Variants in BMPR1B observed in about 807,000 individuals in gnomAD.
BMPR1B encodes bone morphogenetic protein receptor type 1B.
BMPR1B carries 12 observed loss-of-function variants against 59.1 expected under a neutral mutation model. That is an observed-to-expected ratio of 0.20 (90% CI 0.13 to 0.33). The LOEUF (loss-of-function observed/expected upper bound fraction) is 0.33. Among genes scored for constraint, BMPR1B ranks in the 10% least tolerant of loss-of-function variants. The pLI, the probability that BMPR1B is intolerant of heterozygous loss-of-function variation, is 1.00. For missense variants in BMPR1B, 550 were observed against 610.9 expected (o/e 0.90, Z 1.05); for synonymous variants, 237 against 207.3 (o/e 1.14, Z -1.23).
At chr4:94,814,141 T>C (rs1485453528) in intron 1 of BMPR1B, among the ~76,000 whole-genome samples, 1 of 152,236 alleles carries the variant, frequency 6.6e-6, no homozygotes, top group African/African-American at 2.4e-5. Context: ...CAGGATTAAA[T>C]ACTTAAAAAG....
chr4:94,898,045 C>G (rs1031893902), intron 2 of BMPR1B, among the ~76,000 whole-genome samples: 1 of 148,076 alleles, frequency 6.8e-6, no homozygotes, highest in Non-Finnish European at 1.5e-5. Flanking sequence ...CTCCTAGGCT[C>G]AAGGGACCCT....
At chr4:95,096,555 G>T (rs554894776) in intron 3 of BMPR1B, among the ~76,000 whole-genome samples, 1 of 150,660 alleles carries the variant, frequency 6.6e-6, no homozygotes, top group Non-Finnish European at 1.5e-5. Context: ...CAAACATCCT[G>T]TGAAAATAAT....
At chr4:94,960,379 A>G (rs1276122809) in intron 2 of BMPR1B, among the ~76,000 whole-genome samples, 4 of 152,128 alleles carry the variant, frequency 2.6e-5, no homozygotes, top group Admixed American at 6.5e-5. Flanking sequence ...CTTTATATCA[A>G]TGAGCCATTT....
At chr4:95,043,621 G>T (rs571890233) in intron 3 of BMPR1B, among the ~76,000 whole-genome samples, 1 of 152,142 alleles carries the variant, frequency 6.6e-6, no homozygotes, top group Admixed American at 6.6e-5. Context: ...GTAGATTTAA[G>T]GTATCATTCT....
chr4:95,098,649 C>T (rs1328652050), intron 3 of BMPR1B, among the ~76,000 whole-genome samples: 2 of 151,798 alleles, frequency 1.3e-5, no homozygotes, highest in Non-Finnish European at 2.9e-5. Context: ...GTGAGTCTCC[C>T]CAGGTTCATT....
At chr4:94,937,707 A>AACACACACACACACAC (rs67140382) in intron 2 of BMPR1B, among the ~76,000 whole-genome samples, 1 of 151,084 alleles carries the variant, frequency 6.6e-6, no homozygotes, top group East Asian at 1.9e-4. Flanking sequence ...TATATGTATA[A>AACACACACACACACAC]ACACACACAC....
chr4:94,835,194 C>A (rs915480379), intron 1 of BMPR1B, among the ~76,000 whole-genome samples: 1 of 151,822 alleles, frequency 6.6e-6, no homozygotes, highest in African/African-American at 2.4e-5. Context: ...TTAATATTTA[C>A]TGATTTATTT....
At chr4:94,876,090 A>G (rs551682952) in intron 2 of BMPR1B, among the ~76,000 whole-genome samples, 190 bp downstream of exon 2, 165 of 152,360 alleles carry the variant, frequency 1.1e-3, no homozygotes, top group African/African-American at 3.5e-3. Flanking sequence ...ATGTAAATCA[A>G]CATGACAAGG....
intron 3 of BMPR1B, among the ~76,000 whole-genome samples, chr4:95,052,297 T>C (rs1726563531): frequency 6.6e-6 from 1 of 152,206 alleles, no homozygotes. Context: ...TGCTTTGTGA[T>C]AATTTTGTTC....
chr4:95,131,187 T>C, intron 9 of BMPR1B, 28 bp from the exon 10 acceptor site: 1 of 1,602,788 alleles, frequency 6.2e-7, no homozygotes, highest in Non-Finnish European at 8.5e-7. Flanking sequence ...TGGAAAACAC[T>C]AAACCTTTTC....
intron 3 of BMPR1B, among the ~76,000 whole-genome samples, chr4:95,089,669 A>G (rs1466268237): frequency 6.6e-6 from 1 of 152,100 alleles, no homozygotes; most frequent in Non-Finnish European, 1.5e-5. Flanking sequence ...TGCCATGCCC[A>G]GATTGAAGAT....
chr4:94,762,965 C>T (rs1330292172), intron 1 of BMPR1B, among the ~76,000 whole-genome samples: 1 of 151,834 alleles, frequency 6.6e-6, no homozygotes, highest in Non-Finnish European at 1.5e-5. Context: ...GACCTCAGCA[C>T]CTTCTTAGAG....
At chr4:94,825,000 T>C (rs980315367) in intron 1 of BMPR1B, among the ~76,000 whole-genome samples, 30 of 152,202 alleles carry the variant, frequency 2.0e-4, no homozygotes, top group African/African-American at 7.0e-4. Context: ...ACAAGCTTAC[T>C]TGAAAAAGAA....
intron 1 of BMPR1B, among the ~76,000 whole-genome samples, chr4:94,769,481 A>T (rs562719927): frequency 2.6e-5 from 4 of 152,194 alleles, no homozygotes; most frequent in African/African-American, 7.2e-5. Flanking sequence ...GTGGTGGCAC[A>T]TGCCTGTAAT....
At chr4:94,791,956 C>G (rs898534501) in intron 1 of BMPR1B, among the ~76,000 whole-genome samples, 4 of 151,954 alleles carry the variant, frequency 2.6e-5, no homozygotes, top group African/African-American at 9.7e-5. Context: ...TTCCTTTGAT[C>G]AGTGGCCTAA....
chr4:95,069,697 C>A lies in BMPR1B; in HGVS notation c.-17-34711C>A, dbSNP rs114668389. Among the ~76,000 whole-genome samples, 454 of 152,272 alleles carry A rather than the reference C, an allele frequency of 3.0e-3. 3 individuals are homozygous for A. The highest frequency in any genetic ancestry group is 0.01 in the African/African-American group (433 of 41,556). On this transcript the variant is annotated intron_variant, in intron 3 of 12. Coordinates refer to ENST00000515059, the MANE Select transcript of BMPR1B (RefSeq NM_001203.3). ...ACTGTGAGCTGTGAGGGCATGGAAT[C>A]GTGTCTGTTTCTTTCTACTGCTATG...
At chr4:94,899,577 G>A (rs903042150) in intron 2 of BMPR1B, among the ~76,000 whole-genome samples, 2 of 151,506 alleles carry the variant, frequency 1.3e-5, no homozygotes, top group Admixed American at 1.3e-4. Context: ...GAAGGCTTCC[G>A]ATAGTATTAT....
intron 2 of BMPR1B, among the ~76,000 whole-genome samples, chr4:94,933,188 A>G (rs1163874132): frequency 3.3e-5 from 5 of 151,998 alleles, no homozygotes; most frequent in Non-Finnish European, 5.9e-5. Flanking sequence ...TCATTTAACA[A>G]TTCTTCATTG....
chr4:94,826,375 G>A (rs1724382910), intron 1 of BMPR1B, among the ~76,000 whole-genome samples: 1 of 151,756 alleles, frequency 6.6e-6, no homozygotes, highest in African/African-American at 2.4e-5. Context: ...CTTTCACCAT[G>A]TTTTAAAGCT....
Sources: gnomAD v4.1 joint callset for allele counts (sites outside exome capture counted in the v4.1 genomes callset) on GRCh38, gnomAD v4.1.1 for gene constraint, MANE v1.5 for transcripts, NCBI Gene and HGNC (gene_info 2026-07-23, HGNC 2026-07-21) for gene names.